The following AUTS2 variants were observed in gnomAD, a reference collection of about 807,000 sequenced individuals.
AUTS2 encodes autism susceptibility gene 2 protein.
In AUTS2, 17 loss-of-function variants were observed where a neutral mutation model predicts 112.4. The observed-to-expected ratio is 0.15, with a 90% confidence interval of 0.10 to 0.23. The LOEUF (loss-of-function observed/expected upper bound fraction) is 0.23. Ranked by LOEUF, AUTS2 falls within the 10% of genes least tolerant of loss-of-function variation. AUTS2 has a pLI of 1.00. For missense variants in AUTS2, 1,510 were observed against 1,701.6 expected (o/e 0.89, Z 1.98); for synonymous variants, 751 against 702.7 (o/e 1.07, Z -1.09).
intron 2 of AUTS2, among the ~76,000 whole-genome samples, chr7:70,016,237 A>G (rs1800022216): frequency 6.6e-6 from 1 of 152,210 alleles, no homozygotes; most frequent in Non-Finnish European, 1.5e-5. Context: ...AGAAAGCAGA[A>G]GGGAGTGTGT....
chr7:70,274,881 C>T (rs1472482309), intron 4 of AUTS2, among the ~76,000 whole-genome samples: 1 of 152,116 alleles, frequency 6.6e-6, no homozygotes, highest in African/African-American at 2.4e-5. Flanking sequence ...ATTCAGCAGT[C>T]ACACTTCTGG....
intron 5 of AUTS2, among the ~76,000 whole-genome samples, chr7:70,496,339 A>T (rs1452429638): frequency 7.9e-6 from 1 of 126,760 alleles, no homozygotes; most frequent in East Asian, 2.5e-4. Context: ...CGCACACCCC[A>T]CACATGCACA....
chr7:70,536,572 CT>C (rs34639179), intron 5 of AUTS2, among the ~76,000 whole-genome samples: 231 of 49,034 alleles, frequency 4.7e-3, no homozygotes, highest in African/African-American at 6.1e-3. Flanking sequence ...GAAGCCAAGG[CT>C]TTTTTTTTTT....
intron 4 of AUTS2, among the ~76,000 whole-genome samples, chr7:70,242,092 G>A (rs1355901554): frequency 6.6e-6 from 1 of 152,168 alleles, no homozygotes; most frequent in Non-Finnish European, 1.5e-5. Flanking sequence ...CTTAGGGAGG[G>A]AAGTCTTACC....
intron 4 of AUTS2, among the ~76,000 whole-genome samples, chr7:70,378,914 G>A (rs1793240627): frequency 6.6e-6 from 1 of 152,182 alleles, no homozygotes; most frequent in Non-Finnish European, 1.5e-5. Flanking sequence ...ATTTTAAACT[G>A]TGGTCTAATT....
intron 4 of AUTS2, among the ~76,000 whole-genome samples, chr7:70,138,367 T>C (rs185220936): frequency 2.3e-4 from 35 of 152,328 alleles, no homozygotes; most frequent in African/African-American, 8.4e-4. Context: ...TCATTCTTTA[T>C]AGCACTTGAC....
At chr7:69,795,960 G>A (rs559471016) in intron 1 of AUTS2, among the ~76,000 whole-genome samples, 21 of 152,286 alleles carry the variant, frequency 1.4e-4, no homozygotes, top group African/African-American at 5.1e-4. Flanking sequence ...TGGAGCTTGG[G>A]TTCATGCACA....
intron 1 of AUTS2, among the ~76,000 whole-genome samples, chr7:69,815,326 A>G (rs1003213486): frequency 6.6e-6 from 1 of 152,024 alleles, no homozygotes; most frequent in African/African-American, 2.4e-5. Context: ...AGATATCTAT[A>G]TATCTATATA....
chr7:70,154,311 A>T (rs1417871571), intron 4 of AUTS2, among the ~76,000 whole-genome samples: 1 of 152,210 alleles, frequency 6.6e-6, no homozygotes, highest in Non-Finnish European at 1.5e-5. Context: ...ATGAGAGAGG[A>T]AAAGGGAAAA....
chr7:70,766,177 G>C lies in AUTS2; in HGVS notation c.1532G>C (p.Gly511Ala), dbSNP rs1194206626. The C allele has an allele frequency of 1.2e-6, 2 of 1,614,130 alleles. No individual in the cohort carries two copies. Among genetic ancestry groups the C allele is most frequent in the Non-Finnish European group, 1.7e-6 (2 of 1,180,026 alleles). ...TTGGCCTCTCAGAGTGCTGACCGCG[G>C]GGCTTCCCTGGGCCCTCCGCCCTAC... is the stretch of plus-strand genomic sequence containing the variant. ...RFLASQSADR[G>A]ASLGPPPYLR... is the part of the protein sequence containing the mutation. The change falls in exon 9 of 19, where the codon GGG becomes GCG. Residue 511 changes from glycine (G) to alanine (A), a missense_variant. Transcript: ENST00000342771. The surrounding 1 kb of genome is among the most constrained non-coding windows in gnomAD (Gnocchi z 4.8).
chr7:70,313,487 C>T (rs1159137443), intron 4 of AUTS2, among the ~76,000 whole-genome samples: 1 of 152,172 alleles, frequency 6.6e-6, no homozygotes, highest in Non-Finnish European at 1.5e-5. Context: ...CCCATGACTA[C>T]GATAGGTGGC....
chr7:70,514,342 A>G (rs1799326065), intron 5 of AUTS2, among the ~76,000 whole-genome samples: 1 of 152,242 alleles, frequency 6.6e-6, no homozygotes, highest in African/African-American at 2.4e-5. Context: ...TCTAAAGAAA[A>G]GAGGTTTATT....
chr7:70,141,063 A>G (rs1806835233), intron 4 of AUTS2, among the ~76,000 whole-genome samples: 1 of 152,210 alleles, frequency 6.6e-6, no homozygotes, highest in Non-Finnish European at 1.5e-5. Context: ...TAAATGTAGC[A>G]GGCTTAAATT....
At chr7:70,285,937 G>T (rs1418638058) in intron 4 of AUTS2, among the ~76,000 whole-genome samples, 1 of 152,200 alleles carries the variant, frequency 6.6e-6, no homozygotes, top group Admixed American at 6.5e-5. Flanking sequence ...AGACATGGCA[G>T]TTGCTATTAG....
chr7:69,807,990 C>CTGGA lies in AUTS2; in HGVS notation c.310-91295_310-91292dup, dbSNP rs556219894. On this transcript the variant is annotated intron_variant, in intron 1 of 18. Transcript: ENST00000342771. The stretch of plus-strand genomic sequence containing the variant: ...ATGGAGCCTTGCTCTGTTGCCCAGG[C>CTGGA]TGGAGTGCAGTGGCACGATCTCCCA... 1.3e-3 allele frequency among the ~76,000 whole-genome samples: 179 copies of CTGGA among 142,404 alleles called. 2 individuals are homozygous for CTGGA. The highest frequency in any genetic ancestry group is 4.4e-3 in the African/African-American group (166 of 38,082). 93.4% of individuals were successfully genotyped at this position (142,404 alleles called of 152,430 possible). A position where few individuals can be genotyped will look rare whatever the true frequency, so the allele number is the denominator to read the frequency against.
chr7:69,901,964 T>TAA (rs1365616438), intron 2 of AUTS2, among the ~76,000 whole-genome samples: 2 of 152,180 alleles, frequency 1.3e-5, no homozygotes, highest in Non-Finnish European at 2.9e-5. Flanking sequence ...ATAACACAAA[T>TAA]ACAGTGTTGT....
At chr7:70,050,553 A>T (rs1223123148) in intron 2 of AUTS2, among the ~76,000 whole-genome samples, 1 of 151,852 alleles carries the variant, frequency 6.6e-6, no homozygotes, top group Non-Finnish European at 1.5e-5. Context: ...CCCAGCTCCA[A>T]CCCAAAGTTT....
chr7:69,603,118 A>G (rs772658314), intron 1 of AUTS2, among the ~76,000 whole-genome samples: 11 of 152,204 alleles, frequency 7.2e-5, no homozygotes, highest in Non-Finnish European at 1.6e-4. Flanking sequence ...TAGAAATGAA[A>G]TCAGTTGTCA....
intron 1 of AUTS2, among the ~76,000 whole-genome samples, chr7:69,818,652 T>A (rs1417858556): frequency 6.6e-6 from 1 of 152,236 alleles, no homozygotes; most frequent in Non-Finnish European, 1.5e-5. Flanking sequence ...AAGCATTGAT[T>A]TGTTTCTGGC....
Sources: gnomAD v4.1 joint callset for allele counts (sites outside exome capture counted in the v4.1 genomes callset) on GRCh38, gnomAD v4.1.1 for gene constraint, Gnocchi (gnomAD v3.1) non-coding constraint, MANE v1.5 for transcripts, NCBI Gene and HGNC (gene_info 2026-07-23, HGNC 2026-07-21) for gene names.